Variants in ZNF804B observed in about 807,000 individuals in gnomAD.
ZNF804B encodes the protein zinc finger 804B.
A neutral mutation model predicts 101.4 loss-of-function variants in ZNF804B; 80 were observed. The observed-to-expected ratio is 0.79, with a 90% confidence interval of 0.66 to 0.95. The LOEUF is 0.95. Ranked by LOEUF, ZNF804B falls within the 40% of genes least tolerant of loss-of-function variation. ZNF804B has a pLI of 0.00. For synonymous variants in ZNF804B, 622 were observed against 558.8 expected (o/e 1.11, Z -1.59); for missense variants, 1,673 against 1,561.9 (o/e 1.07, Z -1.20).
At chr7:89,051,500 A>G (rs1214020507) in intron 1 of ZNF804B, among the ~76,000 whole-genome samples, 4 of 152,142 alleles carry the variant, frequency 2.6e-5, no homozygotes, top group African/African-American at 4.8e-5. Context: ...CAAAAGCCCA[A>G]AGTTTGCTAT....
At chr7:88,886,805 A>G (rs1453160690) in intron 1 of ZNF804B, among the ~76,000 whole-genome samples, 2 of 151,938 alleles carry the variant, frequency 1.3e-5, no homozygotes, top group East Asian at 1.9e-4. Context: ...ATAATTCCTA[A>G]TAGACTTTTT....
At chr7:89,001,955 A>T (rs1367860210) in intron 1 of ZNF804B, among the ~76,000 whole-genome samples, 8 of 142,268 alleles carry the variant, frequency 5.6e-5, no homozygotes, top group Non-Finnish European at 7.4e-5. Context: ...AAAAATTTTT[A>T]AATTAAATTA....
chr7:89,238,461 G>A (rs975316780), intron 2 of ZNF804B, among the ~76,000 whole-genome samples: 1 of 151,800 alleles, frequency 6.6e-6, no homozygotes, highest in African/African-American at 2.4e-5. Context: ...AAAATAGGCT[G>A]AAACAGACAA....
chr7:88,854,809 G>A (rs1297630310), intron 1 of ZNF804B, among the ~76,000 whole-genome samples: 1 of 126,052 alleles, frequency 7.9e-6, no homozygotes, highest in Non-Finnish European at 1.6e-5. Context: ...CTGTGTCCAT[G>A]TGTTCTCAGT....
At chr7:89,041,684 C>G (rs887761323) in intron 1 of ZNF804B, among the ~76,000 whole-genome samples, 3 of 152,162 alleles carry the variant, frequency 2.0e-5, no homozygotes, top group African/African-American at 7.2e-5. Context: ...ATTCACTTCC[C>G]TTTCCTTTCC....
At chr7:88,933,610 C>T (rs182203841) in intron 1 of ZNF804B, among the ~76,000 whole-genome samples, 162 of 152,066 alleles carry the variant, frequency 1.1e-3, no homozygotes, top group East Asian at 2.9e-3. Flanking sequence ...AATCAACGTA[C>T]GTGAATCAGT....
chr7:89,199,517 G>A (rs934704555), intron 1 of ZNF804B, among the ~76,000 whole-genome samples: 1 of 151,790 alleles, frequency 6.6e-6, no homozygotes, highest in Admixed American at 6.6e-5. Flanking sequence ...TACTTGAATT[G>A]TTTCTATAAT....
At chr7:89,274,908 G>T (rs993189703) in intron 2 of ZNF804B, among the ~76,000 whole-genome samples, 1 of 151,808 alleles carries the variant, frequency 6.6e-6, no homozygotes, top group Non-Finnish European at 1.5e-5. Context: ...TTGGGCTCAA[G>T]CCATGGTGTC....
At position 89,336,532 on chromosome 7, in the gene ZNF804B, G is replaced by C; in HGVS notation, c.3550G>C (p.Ala1184Pro). Residue 1184 changes from alanine to proline, a missense_variant, in exon 4 of 4, where the codon GCA becomes CCA. Coordinates refer to ENST00000333190, the MANE Select transcript of ZNF804B (RefSeq NM_181646.5). ...LSKHLRVLPA[A>P]GPTAFSPAST... ...AAAGCATCTTCGAGTTTTGCCTGCTGCAGGGCCTACTGCCTTCTCTCCGGC... is the reference window on the plus strand; with the variant it reads ...AAAGCATCTTCGAGTTTTGCCTGCTCCAGGGCCTACTGCCTTCTCTCCGGC... 6.2e-7 allele frequency: 1 copy of C among 1,614,040 alleles called. No homozygotes were observed. Among genetic ancestry groups the C allele is most frequent in the East Asian group, 2.2e-5 (1 of 44,864 alleles).
chr7:88,883,113 G>A (rs1256091161), intron 1 of ZNF804B, among the ~76,000 whole-genome samples: 4 of 152,016 alleles, frequency 2.6e-5, no homozygotes, highest in African/African-American at 7.2e-5. Flanking sequence ...GTTAAACATG[G>A]TAGAGAATTG....
At chr7:89,151,168 A>G (rs1562898041) in intron 1 of ZNF804B, among the ~76,000 whole-genome samples, 1 of 152,036 alleles carries the variant, frequency 6.6e-6, no homozygotes, top group Non-Finnish European at 1.5e-5. Context: ...AATATATCCA[A>G]CCATCACTAA....
chr7:89,074,476 G>A (rs935586336), intron 1 of ZNF804B, among the ~76,000 whole-genome samples: 2 of 152,116 alleles, frequency 1.3e-5, no homozygotes, highest in Admixed American at 6.5e-5. Context: ...GAGTTTCCTT[G>A]CACAAGCTCT....
intron 1 of ZNF804B, among the ~76,000 whole-genome samples, chr7:89,197,935 A>G (rs1337348137): frequency 6.6e-5 from 10 of 151,874 alleles, no homozygotes; most frequent in Non-Finnish European, 7.4e-5. Context: ...ACTAAAAGTT[A>G]TTTAAATAAT....
intron 1 of ZNF804B, among the ~76,000 whole-genome samples, chr7:88,970,168 A>T (rs1258188054): frequency 6.6e-6 from 1 of 151,640 alleles, no homozygotes; most frequent in Non-Finnish European, 1.5e-5. Context: ...TAGACATTTA[A>T]GTGACATTAT....
chr7:88,937,774 A>T (rs572214583), intron 1 of ZNF804B, among the ~76,000 whole-genome samples: 1 of 152,234 alleles, frequency 6.6e-6, no homozygotes, highest in East Asian at 1.9e-4. Flanking sequence ...GAAGGGTCAC[A>T]GTGAGTCCCA....
At chr7:88,811,372 T>G (rs888596328) in intron 1 of ZNF804B, among the ~76,000 whole-genome samples, 14 of 152,188 alleles carry the variant, frequency 9.2e-5, no homozygotes, top group Non-Finnish European at 1.9e-4. Flanking sequence ...TGCGGAGAGA[T>G]ACGAACACTT....
intron 1 of ZNF804B, among the ~76,000 whole-genome samples, chr7:88,947,559 T>C (rs1014181173): frequency 3.3e-5 from 5 of 151,686 alleles, no homozygotes; most frequent in African/African-American, 1.2e-4. Flanking sequence ...TTAGGAGACA[T>C]ACCTAATGTA....
Position 89,225,119 on chromosome 7 carries a change from A to G in ZNF804B, c.249+6824A>G, listed in dbSNP as rs377208985. Among the ~76,000 whole-genome samples the G allele has an allele frequency of 3.0e-4, 45 of 152,140 alleles. 1 individual carries two copies. In the South Asian group the frequency reaches 8.9e-3, roughly 30 times the overall value. On this transcript the variant is annotated intron_variant, in intron 2 of 3. Coordinates refer to ENST00000333190, the MANE Select transcript of ZNF804B (RefSeq NM_181646.5). ...GCTTAGATGTCACCTCTTCAGTAGG[A>G]CATTTCCCTTTTACCTTAAGTAGTC...
intron 1 of ZNF804B, among the ~76,000 whole-genome samples, chr7:88,991,376 G>A (rs1246194224): frequency 6.6e-6 from 1 of 152,132 alleles, no homozygotes; most frequent in East Asian, 1.9e-4. Context: ...AACCACTGCT[G>A]CTGACTTCAG....
Sources: allele counts gnomAD v4.1 joint callset (sites outside exome capture counted in the v4.1 genomes callset), GRCh38; gene constraint gnomAD v4.1.1; transcripts MANE v1.5; gene names NCBI Gene and HGNC (gene_info 2026-07-23, HGNC 2026-07-21).